RTN1: variants seen among roughly 807,000 people sequenced by gnomAD.
RTN1 encodes reticulon-1.
In RTN1, 25 loss-of-function variants were observed where a neutral mutation model predicts 65.5. The observed-to-expected ratio is 0.38, with a 90% CI of 0.28 to 0.53. The LOEUF (loss-of-function observed/expected upper bound fraction) is 0.53. Ranked by LOEUF, RTN1 falls within the 20% of genes least tolerant of loss-of-function variation. The pLI is 0.79. For synonymous variants in RTN1, 471 were observed against 447.6 expected (o/e 1.05, Z -0.66); for missense variants, 983 against 1,025.4 (o/e 0.96, Z 0.57).
chr14:59,600,698 T>A (rs867501434), intron 8 of RTN1, among the ~76,000 whole-genome samples: 2 of 152,190 alleles, frequency 1.3e-5, no homozygotes, highest in Non-Finnish European at 2.9e-5. Context: ...CCATGTGACT[T>A]GCCTAGTTTC....
In RTN1 at chr14:59,630,749, G is replaced by C. The variant is rs990478461; in HGVS notation, c.1766-23257C>G. The C allele has an allele frequency of 9.2e-6, 10 of 1,087,906 alleles. No individual in the cohort carries two copies. In the African/African-American group the frequency reaches 1.7e-4, roughly 18 times the overall value. 67.4% of individuals were successfully genotyped at this position (1,087,906 alleles called of 1,614,324 possible). On this transcript the variant is annotated intron_variant, in intron 3 of 8. Coordinates refer to ENST00000267484, the MANE Select transcript of RTN1 (RefSeq NM_021136.3). ...CTGCGCGCATGGGGATGCGGGCGCC[G>C]CTCCACGCGACAGCGTTGGCTGGGC...
At chr14:59,792,345 AAAGAG>A (rs1267387674) in intron 1 of RTN1, among the ~76,000 whole-genome samples, 1 of 135,830 alleles carries the variant, frequency 7.4e-6, no homozygotes, top group Non-Finnish European at 1.5e-5. Flanking sequence ...GTCTGAGAGA[AAAGAG>A]AAAAGACTTC....
At chr14:59,660,950 G>GT (rs951583362) in intron 3 of RTN1, among the ~76,000 whole-genome samples, 78 of 151,536 alleles carry the variant, frequency 5.1e-4, no homozygotes, top group East Asian at 4.6e-3. Flanking sequence ...TCCAGGAGCT[G>GT]TTTTTTTTGA....
intron 2 of RTN1, among the ~76,000 whole-genome samples, chr14:59,732,315 G>A (rs1023775803): frequency 6.6e-5 from 10 of 152,164 alleles, no homozygotes; most frequent in South Asian, 4.1e-4. Flanking sequence ...TATATGGAGC[G>A]GCCAAGATGG....
rs1222570071 is a variant in RTN1, at chr14:59,749,428, CTA to C, written c.242-2949_242-2948del. Among the ~76,000 whole-genome samples, 13 of 88,794 alleles carry C rather than the reference CTA, an allele frequency of 1.5e-4. 3 individuals carry two copies. Among genetic ancestry groups the C allele is most frequent in the African/African-American group, 4.2e-4 (8 of 18,892 alleles). 58.3% of individuals were successfully genotyped at this position (88,794 alleles called of 152,430 possible). A position where few individuals can be genotyped will look rare whatever the true frequency, so the allele number is the denominator to read the frequency against. On this transcript the variant is annotated intron_variant, in intron 1 of 8. Coordinates refer to ENST00000267484, the MANE Select transcript of RTN1 (RefSeq NM_021136.3). ...TCTATATCTATATATATCTATATATCTATATATATCTATATCTATATATATCT... is the reference window on the plus strand; with the variant it reads ...TCTATATCTATATATATCTATATATCTATATATCTATATCTATATATATCT...
chr14:59,704,699 G>A (rs1272451259), intron 3 of RTN1, among the ~76,000 whole-genome samples: 2 of 152,190 alleles, frequency 1.3e-5, no homozygotes, highest in African/African-American at 4.8e-5. Context: ...AGAGCAGAGA[G>A]GAGAGAAGGG....
intron 8 of RTN1, among the ~76,000 whole-genome samples, chr14:59,598,205 A>C (rs1881467061): frequency 6.6e-6 from 1 of 152,170 alleles, no homozygotes; most frequent in South Asian, 2.1e-4. Context: ...GAACAGTCTC[A>C]GGGTTAGTTT....
At chr14:59,764,727 A>G (rs1236063311) in intron 1 of RTN1, among the ~76,000 whole-genome samples, 2 of 152,218 alleles carry the variant, frequency 1.3e-5, no homozygotes. Flanking sequence ...CTCAGGAAAC[A>G]ACAACAGATA....
intron 1 of RTN1, among the ~76,000 whole-genome samples, chr14:59,843,511 T>C (rs919823569): frequency 6.6e-6 from 1 of 152,242 alleles, no homozygotes; most frequent in African/African-American, 2.4e-5. Context: ...ACAGAATCAG[T>C]CTGACAGGTG....
At chr14:59,612,226 C>T (rs1881972918) in intron 3 of RTN1, among the ~76,000 whole-genome samples, 2 of 152,180 alleles carry the variant, frequency 1.3e-5, no homozygotes, top group South Asian at 2.1e-4. Flanking sequence ...AGAATCTTGC[C>T]TGTGGTTCCA....
Position 59,870,692 on chromosome 14 carries a change from G to C in RTN1, c.-62C>G. ...CTGGGCAGAGGCTCGGTGGCTGCGC[G>C]GGCGCTCCCTGCTGCTGTCCCCGGA... On this transcript the variant is annotated 5_prime_UTR_variant, in exon 1 of 9. Coordinates refer to ENST00000267484, the MANE Select transcript of RTN1 (RefSeq NM_021136.3). The surrounding 1 kb of genome is among the most constrained non-coding windows in gnomAD (Gnocchi z 5.1). 7.7e-7 allele frequency: 1 copy of C among 1,306,292 alleles called. No individual in the cohort carries two copies. The highest frequency in any genetic ancestry group is 9.7e-7 in the Non-Finnish European group (1 of 1,035,114). 80.9% of individuals were successfully genotyped at this position (1,306,292 alleles called of 1,614,324 possible).
chr14:59,781,410 A>T (rs964386971), intron 1 of RTN1, among the ~76,000 whole-genome samples: 1 of 152,042 alleles, frequency 6.6e-6, no homozygotes, highest in African/African-American at 2.4e-5. Context: ...GCATATATGA[A>T]TGTGAATCTG....
Position 59,727,739 on chromosome 14 carries a change from G to A in RTN1, c.1016-71C>T. Reference sequence around the variant, plus strand: ...GACAGACAGATGGACAGAGAGAGGAGGGATAAAACAAAATTCCATTAGGCG... The same window carrying A: ...GACAGACAGATGGACAGAGAGAGGAAGGATAAAACAAAATTCCATTAGGCG... On this transcript the variant is annotated intron_variant, in intron 2 of 8. Coordinates refer to ENST00000267484, the MANE Select transcript of RTN1 (RefSeq NM_021136.3). The surrounding 1 kb of genome is among the most constrained non-coding windows in gnomAD (Gnocchi z 4.2). 1 of 1,491,070 alleles carries A rather than the reference G, an allele frequency of 6.7e-7. No individual in the cohort carries two copies. The highest frequency in any genetic ancestry group is 1.4e-5 in the South Asian group (1 of 73,074). 92.4% of individuals were successfully genotyped at this position (1,491,070 alleles called of 1,614,324 possible). A position where few individuals can be genotyped will look rare whatever the true frequency, so the allele number is the denominator to read the frequency against.
chr14:59,795,538 T>A (rs532288133), intron 1 of RTN1, among the ~76,000 whole-genome samples: 1 of 152,216 alleles, frequency 6.6e-6, no homozygotes, highest in East Asian at 1.9e-4. Context: ...CCATCTCTAT[T>A]TATAAAAGTA....
chr14:59,598,826 G>A (rs1881487782), intron 8 of RTN1, among the ~76,000 whole-genome samples: 1 of 152,176 alleles, frequency 6.6e-6, no homozygotes, highest in South Asian at 2.1e-4. Flanking sequence ...TGGCTATGGT[G>A]TCCTTTTAAA....
Position 59,825,836 on chromosome 14 carries a change from C to G in RTN1, c.241+44554G>C, listed in dbSNP as rs1887021782. Among the ~76,000 whole-genome samples the G allele has an allele frequency of 1.3e-5, 2 of 152,214 alleles. No homozygotes were observed. The highest frequency in any genetic ancestry group is 4.8e-5 in the African/African-American group (2 of 41,450). ...CCAAGGTCTCAAAGTTACTTAGTGA[C>G]TGAACTCAGACCAGGAGCCTATAAC... is the stretch of plus-strand genomic sequence containing the variant. On this transcript the variant is annotated intron_variant, in intron 1 of 8. Transcript: ENST00000267484. The surrounding 1 kb of genome is among the most constrained non-coding windows in gnomAD (Gnocchi z 4.2).
rs149980207 is a variant in RTN1, at chr14:59,692,302, G to A, written c.1765+34617C>T. Among the ~76,000 whole-genome samples the A allele has an allele frequency of 1.1e-3, 162 of 152,062 alleles. 1 individual carries two copies. Among genetic ancestry groups the A allele is most frequent in the African/African-American group, 3.8e-3 (156 of 41,520 alleles). Reference sequence around the variant, plus strand: ...TACATCAATAACATTCAAGCTGAGAGCCAAATCAAGAATTGCTTCAAAAAA... The same window carrying A: ...TACATCAATAACATTCAAGCTGAGAACCAAATCAAGAATTGCTTCAAAAAA... On this transcript the variant is annotated intron_variant, in intron 3 of 8. Coordinates refer to ENST00000267484, the MANE Select transcript of RTN1 (RefSeq NM_021136.3).
At chr14:59,690,313 GT>G in intron 3 of RTN1, among the ~76,000 whole-genome samples, 1 of 151,192 alleles carries the variant, frequency 6.6e-6, no homozygotes, top group Non-Finnish European at 1.5e-5. Context: ...GTGGGGGGGG[GT>G]CATTATCCTT....
At chr14:59,649,768 G>A (rs1479431253) in intron 3 of RTN1, among the ~76,000 whole-genome samples, 1 of 152,216 alleles carries the variant, frequency 6.6e-6, no homozygotes, top group Non-Finnish European at 1.5e-5. Context: ...TGGTGAGGAT[G>A]TGGAGAAATA....
Sources: allele counts gnomAD v4.1 joint callset (sites outside exome capture counted in the v4.1 genomes callset), GRCh38; gene constraint gnomAD v4.1.1; non-coding constraint Gnocchi (gnomAD v3.1); transcripts MANE v1.5; gene names NCBI Gene and HGNC (gene_info 2026-07-23, HGNC 2026-07-21).